Variants in ASAP2 observed in about 807,000 individuals in gnomAD.
The protein encoded by ASAP2 is arf-GAP with SH3 domain, ANK repeat and PH domain-containing protein 2.
ASAP2 carries 45 observed loss-of-function variants against 131.4 expected under a neutral mutation model. The observed-to-expected ratio is 0.34, with a 90% CI of 0.27 to 0.44. ASAP2 has a LOEUF of 0.44. ASAP2 is among the 20% of genes least tolerant of loss of function. The pLI is 1.00. For synonymous variants in ASAP2, 510 were observed against 503.0 expected (o/e 1.01, Z -0.19); for missense variants, 1,011 against 1,297.0 (o/e 0.78, Z 3.39).
chr2:9,296,259 A>C (rs1303960330), intron 2 of ASAP2, among the ~76,000 whole-genome samples: 6 of 152,240 alleles, frequency 3.9e-5, no homozygotes, highest in Admixed American at 3.9e-4. Flanking sequence ...TTTCCTTTGA[A>C]AGTGCCTGAC....
chr2:9,241,327 A>G (rs1422745651), intron 1 of ASAP2, among the ~76,000 whole-genome samples: 1 of 152,126 alleles, frequency 6.6e-6, no homozygotes, highest in African/African-American at 2.4e-5. Context: ...TGTTTTCCTG[A>G]TAGTTTTTGG....
In ASAP2 at chr2:9,389,440, C is replaced by T. The variant is rs1317445735; in HGVS notation, c.2383+894C>T. The stretch of plus-strand genomic sequence containing the variant: ...GTCCCCAAATACATCCCAAACTGTC[C>T]TTATGTGGTAGCTGCTAGCTGGGCA... On this transcript the variant is annotated intron_variant, in intron 22 of 27. Transcript: ENST00000281419. This position sits in a 1 kb window ranked among gnomAD's most constrained non-coding sequence, Gnocchi z 4.7. Among the ~76,000 whole-genome samples, 1 of 152,220 alleles carries T rather than the reference C, an allele frequency of 6.6e-6. No homozygotes were observed. Among genetic ancestry groups the T allele is most frequent in the Admixed American group, 6.5e-5 (1 of 15,286 alleles).
chr2:9,403,545 A>G lies in ASAP2; in HGVS notation c.*218A>G. ...AACATTGCTATGCATTTATTAGGAA[A>G]AACTGAATTTCCCAACAGGTGAACT... On this transcript the variant is annotated 3_prime_UTR_variant, in exon 28 of 28. Coordinates refer to ENST00000281419, the MANE Select transcript of ASAP2 (RefSeq NM_003887.3). The G allele has an allele frequency of 3.8e-6, 2 of 519,766 alleles. No homozygotes were observed. The highest frequency in any genetic ancestry group is 2.9e-5 in the South Asian group (1 of 34,140). 32.2% of individuals were successfully genotyped at this position (519,766 alleles called of 1,614,324 possible). A position where few individuals can be genotyped will look rare whatever the true frequency, so the allele number is the denominator to read the frequency against.
chr2:9,312,901 A>G (rs1034034448), intron 3 of ASAP2, among the ~76,000 whole-genome samples: 2 of 152,104 alleles, frequency 1.3e-5, no homozygotes, highest in Non-Finnish European at 2.9e-5. Flanking sequence ...TAATAATACA[A>G]AAATTAGCTG....
intron 1 of ASAP2, among the ~76,000 whole-genome samples, chr2:9,222,705 A>G (rs1662509331): frequency 6.6e-6 from 1 of 152,074 alleles, no homozygotes; most frequent in Admixed American, 6.6e-5. Context: ...CAGGTTGCAT[A>G]CTTTTGATTT....
intron 1 of ASAP2, among the ~76,000 whole-genome samples, chr2:9,274,024 A>G (rs187065518): frequency 6.4e-4 from 98 of 152,382 alleles, no homozygotes; most frequent in African/African-American, 1.9e-3. Context: ...GGAATGAACA[A>G]GGACAGCTTG....
chr2:9,210,296 A>G (rs1400969716), intron 1 of ASAP2, among the ~76,000 whole-genome samples: 1 of 152,178 alleles, frequency 6.6e-6, no homozygotes, highest in Non-Finnish European at 1.5e-5. Context: ...GATGCCTAAC[A>G]TTTTCTTATT....
intron 1 of ASAP2, among the ~76,000 whole-genome samples, chr2:9,224,528 T>G (rs1662632676): frequency 6.6e-6 from 1 of 152,234 alleles, no homozygotes; most frequent in Non-Finnish European, 1.5e-5. Context: ...GTTTGCAAAA[T>G]CAAGGTTGTC....
intron 1 of ASAP2, among the ~76,000 whole-genome samples, chr2:9,212,737 T>C (rs1661673153): frequency 6.6e-6 from 1 of 152,176 alleles, no homozygotes; most frequent in African/African-American, 2.4e-5. Context: ...AAGTACTCAG[T>C]AGCCACACGT....
At chr2:9,265,729 CTG>C (rs1665892950) in intron 1 of ASAP2, among the ~76,000 whole-genome samples, 1 of 151,342 alleles carries the variant, frequency 6.6e-6, no homozygotes, top group Non-Finnish European at 1.5e-5. Context: ...GTGTGTGTGT[CTG>C]TGCGTGTAAT....
In ASAP2 at chr2:9,232,129, T is replaced by C. The variant is rs1663211299; in HGVS notation, c.126+24899T>C. 6.6e-6 allele frequency among the ~76,000 whole-genome samples: 1 copy of C among 152,230 alleles called. No individual in the cohort carries two copies. Among genetic ancestry groups the C allele is most frequent in the Non-Finnish European group, 1.5e-5 (1 of 68,032 alleles). ...CTTTAGCTTCTCAGCTGAAGACACG[T>C]TGGTGGCTTCCCTGACCTTTTGGAA... is the stretch of plus-strand genomic sequence containing the variant. On this transcript the variant is annotated intron_variant, in intron 1 of 27. Transcript: ENST00000281419. The surrounding 1 kb of genome is among the most constrained non-coding windows in gnomAD (Gnocchi z 4.1).
intron 1 of ASAP2, among the ~76,000 whole-genome samples, chr2:9,246,576 C>T (rs774769078): frequency 4.6e-5 from 7 of 152,322 alleles, no homozygotes; most frequent in Non-Finnish European, 7.4e-5. Context: ...TGAGCCACCA[C>T]GCCCAGCCCC....
chr2:9,380,280 CTCTGCCTCCCAGGTTCAAGCGATTCT>C (rs1009732298), intron 19 of ASAP2, among the ~76,000 whole-genome samples: 11 of 152,184 alleles, frequency 7.2e-5, no homozygotes, highest in African/African-American at 2.7e-4. Flanking sequence ...TCACTGCAAC[CTCTGCCTCCCAGGTTCAAGCGATTCT>C]TCTGCCTCAG....
chr2:9,344,505 A>G (rs776513072), intron 9 of ASAP2, 27 bp from the exon 10 acceptor site: 3 of 1,583,314 alleles, frequency 1.9e-6, no homozygotes, highest in Non-Finnish European at 2.6e-6. Context: ...GGACAAGATT[A>G]AAAACACACT....
intron 1 of ASAP2, among the ~76,000 whole-genome samples, chr2:9,258,881 A>T (rs1665369899): frequency 6.6e-6 from 1 of 152,180 alleles, no homozygotes; most frequent in Non-Finnish European, 1.5e-5. Flanking sequence ...TGCTTTTAGG[A>T]CTCAGCATTT....
chr2:9,367,284 C>T (rs2715874), intron 15 of ASAP2, among the ~76,000 whole-genome samples: 13,417 of 151,808 alleles, frequency 0.088, 1,653 homozygotes, highest in African/African-American at 0.27. Flanking sequence ...CCACCCGCCT[C>T]GGCCTCCCAA....
At position 9,253,604 on chromosome 2, in the gene ASAP2, C is replaced by T. The variant is rs537713793; in HGVS notation, c.127-25713C>T. Among the ~76,000 whole-genome samples, 14 of 152,302 alleles carry T rather than the reference C, an allele frequency of 9.2e-5. No individual in the cohort carries two copies. The East Asian group carries it at 9.6e-4, about 10-fold the overall frequency. On this transcript the variant is annotated intron_variant, in intron 1 of 27. Transcript: ENST00000281419. Reference sequence around the variant, plus strand: ...CCATTCCTGCCTCCTGTCATCTCTGCGCTGCTTTCTGTCCTTACAATTTTG... The same window carrying T: ...CCATTCCTGCCTCCTGTCATCTCTGTGCTGCTTTCTGTCCTTACAATTTTG...
chr2:9,312,742 G>C (rs960920417), intron 3 of ASAP2, among the ~76,000 whole-genome samples: 7 of 152,134 alleles, frequency 4.6e-5, no homozygotes, highest in Admixed American at 1.3e-4. Context: ...GCTGTCTGAG[G>C]ACTGAGGTCC....
At chr2:9,373,439 C>T (rs79388546) in intron 16 of ASAP2, among the ~76,000 whole-genome samples, 2,501 of 152,308 alleles carry the variant, frequency 0.016, 65 homozygotes, top group African/African-American at 0.057. Context: ...CACTCAGTTC[C>T]GTCTGGGTGC....
Sources: gnomAD v4.1 joint callset for allele counts (sites outside exome capture counted in the v4.1 genomes callset) on GRCh38, gnomAD v4.1.1 for gene constraint, Gnocchi (gnomAD v3.1) non-coding constraint, MANE v1.5 for transcripts, NCBI Gene and HGNC (gene_info 2026-07-23, HGNC 2026-07-21) for gene names.